Variants in WHR1 observed in about 807,000 individuals in gnomAD.
The protein encoded by WHR1 is MHC class III HLA-RP1.
the WHR1 span, among the ~76,000 whole-genome samples, chr6:31,974,109 C>T: frequency 6.6e-6 from 1 of 151,980 alleles, no homozygotes; most frequent in African/African-American, 2.4e-5. Context: ...CATGACATAA[C>T]CCCATCTCTA....
chr6:31,972,370 C>T, the WHR1 span: 3 of 1,612,972 alleles, frequency 1.9e-6, no homozygotes, highest in African/African-American at 1.3e-5. The surrounding 1 kb of genome is among the most constrained non-coding windows in gnomAD (Gnocchi z 6.3). Context: ...GTTCTCTTCC[C>T]TCCATTCCTA....
At chr6:31,971,329 C>T in the WHR1 span, 2 of 1,540,886 alleles carry the variant, frequency 1.3e-6, no homozygotes, top group East Asian at 2.3e-5. The surrounding 1 kb of genome is among the most constrained non-coding windows in gnomAD (Gnocchi z 4.5). Context: ...CCCCTCCAAC[C>T]GGCCTCGGTG....
chr6:31,979,538 G>C, the WHR1 span: 1 of 1,612,926 alleles, frequency 6.2e-7, no homozygotes. Context: ...TTTGGCTTCA[G>C]GGACTCAGAA....
the WHR1 span, chr6:31,979,100 G>T: frequency 8.1e-7 from 1 of 1,232,884 alleles, no homozygotes; most frequent in Non-Finnish European, 1.2e-6. Context: ...GAATTTCCCT[G>T]CCCCCACATC....
chr6:31,977,684 A>G, the WHR1 span, among the ~76,000 whole-genome samples: 2 of 150,836 alleles, frequency 1.3e-5, no homozygotes, highest in Non-Finnish European at 3.0e-5. Context: ...GGGTTTCATC[A>G]TGTTGGCCAG....
At chr6:31,972,868 G>T in the WHR1 span, 1 of 1,546,328 alleles carries the variant, frequency 6.5e-7, no homozygotes, top group Non-Finnish European at 8.7e-7. This position sits in a 1 kb window ranked among gnomAD's most constrained non-coding sequence, Gnocchi z 6.3. Flanking sequence ...TCAGGCGAGG[G>T]CACTGTGCCA....
the WHR1 span, chr6:31,980,388 T>C: frequency 1.4e-6 from 2 of 1,412,642 alleles, no homozygotes; most frequent in East Asian, 4.7e-5. Flanking sequence ...CATTAATGGA[T>C]GAGGAGGAGA....
the WHR1 span, among the ~76,000 whole-genome samples, chr6:31,979,260 G>A: frequency 8.4e-6 from 1 of 119,406 alleles, no homozygotes; most frequent in Non-Finnish European, 1.8e-5. Context: ...GAGGAAGAGG[G>A]GGAGGAGGAT....
the WHR1 span, among the ~76,000 whole-genome samples, chr6:31,977,904 C>T: frequency 6.6e-6 from 1 of 152,160 alleles, no homozygotes; most frequent in Admixed American, 6.5e-5. Context: ...TCTCCTGTGT[C>T]AGCCTCCTGA....
At chr6:31,978,626 T>G in the WHR1 span, among the ~76,000 whole-genome samples, 1 of 152,228 alleles carries the variant, frequency 6.6e-6, no homozygotes, top group African/African-American at 2.4e-5. Context: ...AGCCACAGCC[T>G]GCATCTTAAT....
chr6:31,973,038 A>G, the WHR1 span: 2,597 of 679,974 alleles, frequency 3.8e-3, 10 homozygotes, highest in Admixed American at 8.1e-3. Flanking sequence ...AGATCATGAC[A>G]GGCCTTGTAC....
chr6:31,979,333 G>C, the WHR1 span: 1 of 1,580,392 alleles, frequency 6.3e-7, no homozygotes, highest in Admixed American at 1.7e-5. Context: ...GGTAAGACAG[G>C]AAGAGAAATG....
the WHR1 span, among the ~76,000 whole-genome samples, chr6:31,974,310 A>G: frequency 6.6e-6 from 1 of 151,566 alleles, no homozygotes; most frequent in Non-Finnish European, 1.5e-5. Flanking sequence ...TAACCCAGGA[A>G]GAGGCCTACT....
At chr6:31,971,668 G>A in the WHR1 span, 1 of 1,604,220 alleles carries the variant, frequency 6.2e-7, no homozygotes, top group Non-Finnish European at 8.5e-7. The surrounding 1 kb of genome is among the most constrained non-coding windows in gnomAD (Gnocchi z 4.5). Context: ...GGTCCCCCTG[G>A]GATCCATGAG....
chr6:31,973,980 G>C, the WHR1 span, among the ~76,000 whole-genome samples: 1 of 152,084 alleles, frequency 6.6e-6, no homozygotes, highest in Non-Finnish European at 1.5e-5. Flanking sequence ...AGAGGGACTT[G>C]CCTGAGTTAA....
At chr6:31,971,496 G>GT in the WHR1 span, 1 of 1,614,152 alleles carries the variant, frequency 6.2e-7, no homozygotes, top group East Asian at 2.2e-5. The surrounding 1 kb of genome is among the most constrained non-coding windows in gnomAD (Gnocchi z 4.5). Context: ...CATCTCCATG[G>GT]TACTGGCGTT....
At chr6:31,972,981 A>G in the WHR1 span, 1 of 784,656 alleles carries the variant, frequency 1.3e-6, no homozygotes, top group Non-Finnish European at 2.2e-6. The surrounding 1 kb of genome is among the most constrained non-coding windows in gnomAD (Gnocchi z 6.3). Context: ...AAACCGAGTC[A>G]TGGGGCATGG....
chr6:31,976,998 A>C, the WHR1 span, among the ~76,000 whole-genome samples: 17 of 152,224 alleles, frequency 1.1e-4, no homozygotes, highest in Admixed American at 5.9e-4. Context: ...GCAGCAGTAC[A>C]GTCCAGCTTC....
the WHR1 span, among the ~76,000 whole-genome samples, chr6:31,975,558 C>G: frequency 3.6e-4 from 53 of 147,186 alleles, no homozygotes; most frequent in Non-Finnish European, 3.1e-4. Flanking sequence ...TGGTCTCAAA[C>G]TCCTGACTCA....
Sources: allele counts gnomAD v4.1 joint callset (sites outside exome capture counted in the v4.1 genomes callset), GRCh38; gene constraint gnomAD v4.1.1; non-coding constraint Gnocchi (gnomAD v3.1); transcripts MANE v1.5; gene names NCBI Gene and HGNC (gene_info 2026-07-23, HGNC 2026-07-21).